Variants in DOK5 observed in about 807,000 individuals in gnomAD.
DOK5 encodes downstream of tyrosine kinase 5.
In DOK5, 27 loss-of-function variants were observed where a neutral mutation model predicts 43.3. The observed-to-expected ratio is 0.62, with a 90% CI of 0.46 to 0.86. The LOEUF (loss-of-function observed/expected upper bound fraction) is 0.86, where lower values mean the gene tolerates loss of function less well. Among genes scored for constraint, DOK5 ranks in the 40% least tolerant of loss-of-function variants. The probability of loss-of-function intolerance (pLI) is 0.00; values close to 1 mark genes in which losing one functional copy is unlikely to be tolerated. For synonymous variants in DOK5, 146 were observed against 140.1 expected (o/e 1.04, Z -0.30); for missense variants, 373 against 392.9 (o/e 0.95, Z 0.43).
chr20:54,640,687 A>G (rs1340874406), intron 6 of DOK5, among the ~76,000 whole-genome samples: 1 of 152,238 alleles, frequency 6.6e-6, no homozygotes, highest in Non-Finnish European at 1.5e-5. Flanking sequence ...AAATACAGTC[A>G]AATCATGCTG....
Position 54,509,025 on chromosome 20 carries a change from C to T in DOK5, c.66+33013C>T, listed in dbSNP as rs6023333. 3.2e-3 allele frequency among the ~76,000 whole-genome samples: 492 copies of T among 151,740 alleles called. 1 individual carries two copies. The highest frequency in any genetic ancestry group is 0.015 in the East Asian group (75 of 5,144). On this transcript the variant is annotated intron_variant, in intron 1 of 7. Coordinates refer to ENST00000262593, the MANE Select transcript of DOK5 (RefSeq NM_018431.5). ...CCAAGTAGCTGGGATTACAGGCACACGCCACCCCACCCAGCTAGTTTTTGT... is the reference window on the plus strand; with the variant it reads ...CCAAGTAGCTGGGATTACAGGCACATGCCACCCCACCCAGCTAGTTTTTGT...
chr20:54,624,546 G>A (rs1235170360), intron 6 of DOK5, among the ~76,000 whole-genome samples: 1 of 152,158 alleles, frequency 6.6e-6, no homozygotes, highest in Non-Finnish European at 1.5e-5. Context: ...AAAATACCAA[G>A]TCCAGTTCTC....
chr20:54,525,423 C>G (rs1181862790), intron 1 of DOK5, among the ~76,000 whole-genome samples: 2 of 152,166 alleles, frequency 1.3e-5, no homozygotes, highest in Non-Finnish European at 2.9e-5. Context: ...GAGAAAACAT[C>G]CATTGAAGTA....
rs1285851092 is a variant in DOK5 at position 54,610,426 on chromosome 20, C to T, written c.638C>T (p.Thr213Ile). Reference protein sequence around the residue: ...ETGEGLFIFQTRDGEAIYQKV... With the variant: ...ETGEGLFIFQIRDGEAIYQKV... Reference sequence around the variant, plus strand: ...GGTGAAGGGCTGTTTATCTTTCAGACCCGAGACGGGGAGGCCATCTATCAG... The same window carrying T: ...GGTGAAGGGCTGTTTATCTTTCAGATCCGAGACGGGGAGGCCATCTATCAG... The change falls in exon 6 of 8, where the codon ACC (threonine) becomes ATC (isoleucine). Residue 213 changes from threonine to isoleucine, a missense_variant. Physicochemically the swap from Thr to Ile is moderately conservative, Grantham distance 89 (BLOSUM62 -1). Transcript: ENST00000262593. 1 of 1,598,146 alleles carries T rather than the reference C, an allele frequency of 6.3e-7. No individual in the cohort carries two copies. Among genetic ancestry groups the T allele is most frequent in the Admixed American group, 1.8e-5 (1 of 56,634 alleles).
rs1197948659 is a variant in DOK5, at chr20:54,480,899, CTCCA to C, written c.66+4890_66+4893del. On this transcript the variant is annotated intron_variant, in intron 1 of 7. Coordinates refer to ENST00000262593, the MANE Select transcript of DOK5 (RefSeq NM_018431.5). ...ACCCTCTCAATGAGGCCTTTAAGGC[CTCCA>C]TCTATCTATCTATCTATCTATCAAT... Among the ~76,000 whole-genome samples, 522 of 128,942 alleles carry C rather than the reference CTCCA, an allele frequency of 4.0e-3. 23 individuals are homozygous for C. The highest frequency in any genetic ancestry group is 0.016 in the African/African-American group (439 of 28,144). The allele number at this position is 128,942 out of a possible 152,430, so 84.6% of individuals were successfully genotyped here. A position where few individuals can be genotyped will look rare whatever the true frequency, so the allele number is the denominator to read the frequency against.
intron 1 of DOK5, among the ~76,000 whole-genome samples, chr20:54,531,878 AT>A (rs1341299237): frequency 6.6e-6 from 1 of 152,204 alleles, no homozygotes; most frequent in East Asian, 1.9e-4. Context: ...CCCTCATAGA[AT>A]TTACAGTCTA....
intron 1 of DOK5, among the ~76,000 whole-genome samples, chr20:54,524,922 A>G (rs1568767043): frequency 6.6e-6 from 1 of 152,294 alleles, no homozygotes; most frequent in East Asian, 1.9e-4. Flanking sequence ...CTTGTATGTT[A>G]TAGTGCTTGG....
chr20:54,487,160 A>T (rs1229712170), intron 1 of DOK5, among the ~76,000 whole-genome samples: 1 of 152,184 alleles, frequency 6.6e-6, no homozygotes, highest in Non-Finnish European at 1.5e-5. Context: ...CAAATGTGAG[A>T]TTTATATATC....
intron 2 of DOK5, among the ~76,000 whole-genome samples, chr20:54,584,776 C>A (rs1038345644): frequency 1.5e-4 from 22 of 143,450 alleles, no homozygotes; most frequent in Non-Finnish European, 2.9e-4. Context: ...TCTAGATATA[C>A]ACACACACAC....
At chr20:54,503,465 T>C (rs1440514849) in intron 1 of DOK5, among the ~76,000 whole-genome samples, 2 of 151,932 alleles carry the variant, frequency 1.3e-5, no homozygotes, top group Admixed American at 6.5e-5. Flanking sequence ...TTGATTTTTT[T>C]TAAAAAAATG....
At chr20:54,593,994 A>G (rs1203436165) in intron 5 of DOK5, among the ~76,000 whole-genome samples, 1 of 152,106 alleles carries the variant, frequency 6.6e-6, no homozygotes, top group East Asian at 1.9e-4. Context: ...GGCCTATCTG[A>G]GGGTGGAGGA....
intron 1 of DOK5, among the ~76,000 whole-genome samples, chr20:54,537,114 G>A (rs1171874118): frequency 1.3e-5 from 2 of 152,142 alleles, no homozygotes; most frequent in South Asian, 4.2e-4. Flanking sequence ...GCAATAATGC[G>A]GGGGCCTGTC....
At chr20:54,579,939 T>TC (rs1449601599) in intron 2 of DOK5, among the ~76,000 whole-genome samples, 1 of 151,934 alleles carries the variant, frequency 6.6e-6, no homozygotes, top group African/African-American at 2.4e-5. Flanking sequence ...TAGCCCTCCA[T>TC]CCCCCGACAG....
At chr20:54,564,615 A>G (rs1985029696) in intron 2 of DOK5, among the ~76,000 whole-genome samples, 1 of 152,226 alleles carries the variant, frequency 6.6e-6, no homozygotes, top group South Asian at 2.1e-4. Flanking sequence ...AAAGAACAAA[A>G]TCAGAGAGAG....
intron 6 of DOK5, among the ~76,000 whole-genome samples, chr20:54,616,774 T>TA (rs1177311589): frequency 7.3e-6 from 1 of 136,926 alleles, no homozygotes; most frequent in Non-Finnish European, 1.5e-5. Context: ...CACTTTCTTT[T>TA]TTTTTTTTTC....
rs540128718 is a variant in DOK5 at position 54,628,874 on chromosome 20, A to G, written c.736-14584A>G. ...TTGGTAAATAGATTACACACTGCAC[A>G]AGCACATTTTTTATTTTTAATGTCT... On this transcript the variant is annotated intron_variant, in intron 6 of 7. Transcript: ENST00000262593. 4.6e-5 allele frequency among the ~76,000 whole-genome samples: 7 copies of G among 152,356 alleles called. No individual in the cohort carries two copies. The South Asian group carries it at 1.4e-3, about 32-fold the overall frequency.
At chr20:54,543,546 T>A (rs1984236807) in intron 1 of DOK5, among the ~76,000 whole-genome samples, 1 of 147,286 alleles carries the variant, frequency 6.8e-6, no homozygotes, top group African/African-American at 2.5e-5. Context: ...AATTGCTGTG[T>A]GTGTGTGTGT....
intron 6 of DOK5, among the ~76,000 whole-genome samples, chr20:54,640,970 C>T (rs6091941): frequency 0.32 from 48,304 of 151,996 alleles, 8,700 homozygotes; most frequent in African/African-American, 0.49. Flanking sequence ...CTATGAGAAG[C>T]TGACGAGGTG....
chr20:54,605,780 G>T (rs1366547504), intron 5 of DOK5, among the ~76,000 whole-genome samples: 1 of 152,230 alleles, frequency 6.6e-6, no homozygotes, highest in Non-Finnish European at 1.5e-5. Flanking sequence ...TAGTGGAAAA[G>T]CTGCGAGTAT....
Sources: gnomAD v4.1 joint callset for allele counts (sites outside exome capture counted in the v4.1 genomes callset) on GRCh38, gnomAD v4.1.1 for gene constraint, MANE v1.5 for transcripts, NCBI Gene and HGNC (gene_info 2026-07-23, HGNC 2026-07-21) for gene names.